The following TRHDE variants were observed in gnomAD, a reference collection of about 807,000 sequenced individuals.
TRHDE encodes thyrotropin releasing hormone degrading enzyme.
Under a neutral mutation model 125.7 loss-of-function variants are expected in TRHDE, and 72 were observed. The observed-to-expected ratio is 0.57, with a 90% CI of 0.47 to 0.70. The LOEUF (loss-of-function observed/expected upper bound fraction) is 0.70, where lower values mean the gene tolerates loss of function less well. Among genes scored for constraint, TRHDE ranks in the 30% least tolerant of loss-of-function variants. TRHDE has a pLI of 0.00. For missense variants in TRHDE, 1,110 were observed against 1,327.1 expected, an observed-to-expected ratio of 0.84 and a Z score of 2.54; for synonymous variants, 509 against 509.1, an observed-to-expected ratio of 1.00 and a Z score of 0.00.
chr12:72,279,991 A>T (rs1284647454), intron 1 of TRHDE, among the ~76,000 whole-genome samples: 2 of 152,200 alleles, frequency 1.3e-5, no homozygotes, highest in East Asian at 1.9e-4. Context: ...TACATCTTTT[A>T]AAAATAGATT....
chr12:72,174,335 T>A (rs147522890), intron 2 of TRHDE, among the ~76,000 whole-genome samples: 1 of 152,370 alleles, frequency 6.6e-6, no homozygotes, highest in African/African-American at 2.4e-5. Flanking sequence ...TTTGTGGCTT[T>A]AAACTATTAA....
intron 18 of TRHDE, among the ~76,000 whole-genome samples, chr12:72,659,108 T>G (rs749723912): frequency 2.0e-5 from 3 of 152,198 alleles, no homozygotes; most frequent in Non-Finnish European, 2.9e-5. Flanking sequence ...AATCAGCATC[T>G]TTATGAATTC....
intron 2 of TRHDE, among the ~76,000 whole-genome samples, chr12:72,299,786 A>G (rs536181959): frequency 1.3e-5 from 2 of 152,288 alleles, no homozygotes; most frequent in Non-Finnish European, 2.9e-5. Context: ...GAGCCAGACA[A>G]TAAGACAAGA....
At chr12:72,386,136 T>C (rs1370138137) in intron 3 of TRHDE, among the ~76,000 whole-genome samples, 2 of 152,200 alleles carry the variant, frequency 1.3e-5, no homozygotes, top group Non-Finnish European at 2.9e-5. Flanking sequence ...TTCGCCTTTC[T>C]CTAGTTTTAA....
intron 2 of TRHDE, chr12:72,263,257 G>A (rs1251274128): frequency 6.6e-6 from 1 of 151,888 alleles, no homozygotes; most frequent in Non-Finnish European, 1.5e-5. Context: ...TTATGCAGAA[G>A]TTTGTTCAAC....
chr12:72,591,190 C>T (rs1871662313), intron 12 of TRHDE, among the ~76,000 whole-genome samples: 1 of 152,174 alleles, frequency 6.6e-6, no homozygotes, highest in African/African-American at 2.4e-5. Context: ...GATTCAATTA[C>T]TTCCCACTGG....
chr12:72,119,238 T>G (rs529006260), intron 2 of TRHDE, among the ~76,000 whole-genome samples: 1 of 152,288 alleles, frequency 6.6e-6, no homozygotes, highest in South Asian at 2.1e-4. Context: ...TATGTTGTGT[T>G]TTCATTATCA....
chr12:72,375,534 G>A (rs1319973471), intron 2 of TRHDE, among the ~76,000 whole-genome samples: 3 of 152,116 alleles, frequency 2.0e-5, no homozygotes, highest in South Asian at 2.1e-4. Context: ...ACAGGGAAGC[G>A]TCCTAAGAGT....
In TRHDE at chr12:72,272,630, G is replaced by A. The variant is rs1592509778; in HGVS notation, c.-14G>A. On this transcript the variant is annotated 5_prime_UTR_variant, in exon 1 of 19. Coordinates refer to ENST00000261180, the MANE Select transcript of TRHDE (RefSeq NM_013381.3). This position sits in a 1 kb window ranked among gnomAD's most constrained non-coding sequence, Gnocchi z 6.7. ...GGTGCCAGAGGGGGCGGGGGAGGAG[G>A]AGGAGGCGGTGTGATGGCCCTGGAC... The A allele has an allele frequency of 2.1e-6, 2 of 953,148 alleles. No individual in the cohort carries two copies. The highest frequency in any genetic ancestry group is 5.6e-5 in the East Asian group (2 of 35,780). The allele number at this position is 953,148 out of a possible 1,614,324, so 59.0% of individuals were successfully genotyped here.
Position 72,476,153 on chromosome 12 carries a change from G to A in TRHDE, c.1584+2973G>A, listed in dbSNP as rs575750425. Among the ~76,000 whole-genome samples, 9 of 152,262 alleles carry A rather than the reference G, an allele frequency of 5.9e-5. No homozygotes were observed. In the East Asian group the frequency reaches 1.5e-3, roughly 26 times the overall value. The stretch of plus-strand genomic sequence containing the variant: ...GCTGCTCTCGAACTCCTGACCTTAG[G>A]TCATCCACCTGCGACAGCCTGCCAA... On this transcript the variant is annotated intron_variant, in intron 5 of 18. Transcript: ENST00000261180.
At chr12:72,301,143 T>C (rs1868256188) in intron 2 of TRHDE, among the ~76,000 whole-genome samples, 1 of 152,150 alleles carries the variant, frequency 6.6e-6, no homozygotes, top group Non-Finnish European at 1.5e-5. Flanking sequence ...TTATTACCTG[T>C]GTCTCTCTGA....
intron 3 of TRHDE, among the ~76,000 whole-genome samples, chr12:72,449,052 A>G (rs930744508): frequency 9.9e-5 from 15 of 152,134 alleles, no homozygotes; most frequent in Non-Finnish European, 1.5e-4. Context: ...GAACATGTCA[A>G]CAGAGCATGG....
intron 2 of TRHDE, among the ~76,000 whole-genome samples, chr12:72,239,926 A>G (rs1328122318): frequency 6.6e-6 from 1 of 152,212 alleles, no homozygotes; most frequent in Admixed American, 6.5e-5. Context: ...CTTAAGCTAG[A>G]ATTTTAATAG....
chr12:72,103,095 A>G (rs1292341173), intron 1 of TRHDE, among the ~76,000 whole-genome samples: 1 of 152,202 alleles, frequency 6.6e-6, no homozygotes, highest in Non-Finnish European at 1.5e-5. Flanking sequence ...CTGTGCATGA[A>G]ATTCCATCTC....
chr12:72,654,641 A>C (rs955388520), intron 17 of TRHDE, among the ~76,000 whole-genome samples: 11 of 152,224 alleles, frequency 7.2e-5, no homozygotes, highest in African/African-American at 2.4e-4. Context: ...TTCTCAGTAA[A>C]TCTTGTAGCC....
chr12:72,519,140 C>T (rs1051859967), intron 6 of TRHDE, among the ~76,000 whole-genome samples: 1 of 151,986 alleles, frequency 6.6e-6, no homozygotes, highest in Non-Finnish European at 1.5e-5. Flanking sequence ...TTGCTCTTCT[C>T]GAGGAGTATC....
rs566271531 is a variant in TRHDE at position 72,533,088 on chromosome 12, A to G, written c.1723-9203A>G. Among the ~76,000 whole-genome samples the G allele has an allele frequency of 2.2e-3, 337 of 151,960 alleles. 2 individuals carry two copies. The highest frequency in any genetic ancestry group is 7.6e-3 in the African/African-American group (316 of 41,466). ...CTGTAAAACTGTCCTGGATTGGTAT[A>G]TGTGTTTGTTGTTGTTTGTTTTTGG... On this transcript the variant is annotated intron_variant, in intron 6 of 18. Transcript: ENST00000261180.
intron 2 of TRHDE, chr12:72,140,418 A>G (rs567337373): frequency 3.0e-4 from 45 of 152,146 alleles, no homozygotes; most frequent in Non-Finnish European, 5.6e-4. Flanking sequence ...ACTTTTCCTG[A>G]CAGAACTAAT....
At chr12:72,264,603 T>C (rs1879023857) in intron 2 of TRHDE, 1 of 151,986 alleles carries the variant, frequency 6.6e-6, no homozygotes, top group African/African-American at 2.4e-5. Flanking sequence ...CAGAATCTTC[T>C]TGTGAAGTGG....
Sources: gnomAD v4.1 joint callset for allele counts (sites outside exome capture counted in the v4.1 genomes callset) on GRCh38, gnomAD v4.1.1 for gene constraint, Gnocchi (gnomAD v3.1) non-coding constraint, MANE v1.5 for transcripts, NCBI Gene and HGNC (gene_info 2026-07-23, HGNC 2026-07-21) for gene names.